The following TP63 variants were observed in gnomAD, a reference collection of about 807,000 sequenced individuals.
TP63 encodes tumor protein p63, also known as tumor protein 63.
Under a neutral mutation model 82.8 loss-of-function variants are expected in TP63, and 17 were observed. The observed-to-expected ratio is 0.21, with a 90% CI of 0.14 to 0.31. The LOEUF is 0.31. Ranked by LOEUF, TP63 falls within the 10% of genes least tolerant of loss-of-function variation. TP63 has a pLI of 1.00. For synonymous variants in TP63, 330 were observed against 321.7 expected (o/e 1.03, Z -0.28); for missense variants, 648 against 895.3 (o/e 0.72, Z 3.52).
At chr3:189,792,700 A>T (rs977776169) in intron 3 of TP63, among the ~76,000 whole-genome samples, 1 of 151,948 alleles carries the variant, frequency 6.6e-6, no homozygotes, top group Non-Finnish European at 1.5e-5. Context: ...TGTTCCCTTT[A>T]CTCAGCCACT....
Position 189,878,868 on chromosome 3 carries a change from C to A in TP63, c.1349+5873C>A, listed in dbSNP as rs567990883. ...GGTCTCAAACCCCTGACCTTGTGATCCCCCTGACCTTGGCCTCCCACAGTG... is the reference window on the plus strand; with the variant it reads ...GGTCTCAAACCCCTGACCTTGTGATACCCCTGACCTTGGCCTCCCACAGTG... On this transcript the variant is annotated intron_variant, in intron 10 of 13. Transcript: ENST00000264731. 3.0e-3 allele frequency among the ~76,000 whole-genome samples: 324 copies of A among 108,678 alleles called. 32 individuals are homozygous for A. Among genetic ancestry groups the A allele is most frequent in the Middle Eastern group, 5.3e-3 (1 of 188 alleles). 71.3% of individuals were successfully genotyped at this position (108,678 alleles called of 152,430 possible).
intron 4 of TP63, among the ~76,000 whole-genome samples, chr3:189,859,956 G>C (rs1716815678): frequency 6.6e-6 from 1 of 152,272 alleles, no homozygotes; most frequent in Admixed American, 6.5e-5. Context: ...CATGATTGTT[G>C]AGGCCAGGAG....
At chr3:189,606,100 G>A in the TP63 span, among the ~76,000 whole-genome samples, 1 of 152,196 alleles carries the variant, frequency 6.6e-6, no homozygotes, top group Non-Finnish European at 1.5e-5. Flanking sequence ...CCACATGGTA[G>A]AGGAAAGAAA....
intron 1 of TP63, among the ~76,000 whole-genome samples, chr3:189,682,218 A>G (rs772664060): frequency 2.1e-4 from 32 of 152,232 alleles, no homozygotes; most frequent in Non-Finnish European, 3.2e-4. Context: ...ATAAAAATTA[A>G]TGAAGAGCAT....
chr3:189,872,549 A>G (rs1040509895), intron 9 of TP63, among the ~76,000 whole-genome samples: 7 of 152,124 alleles, frequency 4.6e-5, no homozygotes, highest in African/African-American at 1.7e-4. Context: ...AAGCACAAAA[A>G]TGTAAAACAC....
At chr3:189,700,031 G>A (rs1717684432) in intron 1 of TP63, among the ~76,000 whole-genome samples, 1 of 152,204 alleles carries the variant, frequency 6.6e-6, no homozygotes, top group Non-Finnish European at 1.5e-5. Context: ...CTGCAGTGCT[G>A]AGTGGGTAAA....
rs1721299628 is a variant in TP63, at chr3:189,894,267, A to G, written c.1808A>G (p.Asp603Gly). 1.2e-6 allele frequency: 2 copies of G among 1,614,000 alleles called. No individual in the cohort carries two copies. The highest frequency in any genetic ancestry group is 8.5e-7 in the Non-Finnish European group (1 of 1,180,000). Residue 603 changes from aspartate (D) to glycine (G), a missense_variant, in exon 14 of 14, where the codon GAC (aspartate) becomes GGC (glycine). Physicochemically the swap from Asp to Gly is moderately conservative, Grantham distance 94. Coordinates refer to ENST00000264731, the MANE Select transcript of TP63 (RefSeq NM_003722.5). ...CATGCGATCTGGAAGGGCATCCTGG[A>G]CCACCGGCAGCTCCACGAATTCTCC... is the stretch of plus-strand genomic sequence containing the variant. ...FRHAIWKGILDHRQLHEFSSP... is the reference protein window; with the variant it reads ...FRHAIWKGILGHRQLHEFSSP...
intron 10 of TP63, among the ~76,000 whole-genome samples, chr3:189,883,576 G>GCTGATGTTTCCTGAGCACCTA (rs1240077943): frequency 3.9e-5 from 6 of 152,168 alleles, no homozygotes; most frequent in Admixed American, 2.6e-4. Context: ...AAGCTAAGAA[G>GCTGATGTTTCCTGAGCACCTA]CTGATGTTTC....
rs71175304 is a variant in TP63, at chr3:189,694,790, C to CTTTTTTTTTTTTTT, written c.63-42930_63-42917dup. On this transcript the variant is annotated intron_variant, in intron 1 of 13. Transcript: ENST00000264731. ...TTGAAAGGAGGCCAGTATTTACAGCCTTTTTTTTTTTTTTTTTTTTTTTTT... is the reference window on the plus strand; with the variant it reads ...TTGAAAGGAGGCCAGTATTTACAGCCTTTTTTTTTTTTTTTTTTTTTTTTTTTTTTTTTTTTTTT... 3.6e-3 allele frequency among the ~76,000 whole-genome samples: 118 copies of CTTTTTTTTTTTTTT among 32,758 alleles called. 34 individuals carry two copies. The highest frequency in any genetic ancestry group is 4.6e-3 in the Non-Finnish European group (85 of 18,490). 21.5% of individuals were successfully genotyped at this position (32,758 alleles called of 152,430 possible). A position where few individuals can be genotyped will look rare whatever the true frequency, so the allele number is the denominator to read the frequency against.
intron 1 of TP63, among the ~76,000 whole-genome samples, chr3:189,637,898 A>G (rs1437578933): frequency 6.6e-6 from 1 of 152,168 alleles, no homozygotes; most frequent in African/African-American, 2.4e-5. Flanking sequence ...TGTAATCACA[A>G]GAAAGCGGAA....
chr3:189,836,109 G>A (rs1026668688), intron 4 of TP63, among the ~76,000 whole-genome samples: 22 of 152,018 alleles, frequency 1.4e-4, no homozygotes, highest in Non-Finnish European at 2.6e-4. Context: ...CTGTTTTCAG[G>A]AGATTTCACT....
At chr3:189,610,851 C>T in the TP63 span, among the ~76,000 whole-genome samples, 1 of 152,096 alleles carries the variant, frequency 6.6e-6, no homozygotes, top group Non-Finnish European at 1.5e-5. Flanking sequence ...CTGGGGAGGC[C>T]TCACCATCAT....
chr3:189,661,850 G>A (rs1324540903), intron 1 of TP63, among the ~76,000 whole-genome samples: 2 of 151,972 alleles, frequency 1.3e-5, no homozygotes, highest in Non-Finnish European at 2.9e-5. Context: ...TCCAGTTTGT[G>A]TGAATAGATA....
the TP63 span, among the ~76,000 whole-genome samples, chr3:189,599,248 T>C: frequency 2.5e-4 from 38 of 152,240 alleles, no homozygotes; most frequent in African/African-American, 8.9e-4. Flanking sequence ...CAAATTTCTT[T>C]AGCTTTTGGC....
chr3:189,894,622 G>T lies in TP63; in HGVS notation c.*120G>T. The stretch of plus-strand genomic sequence containing the variant: ...CCCTTCCTCTTGTCTGATTTCTTAG[G>T]GGAAGGAGAAGTAAGAGGCTACCTC... On this transcript the variant is annotated 3_prime_UTR_variant, in exon 14 of 14. Coordinates refer to ENST00000264731, the MANE Select transcript of TP63 (RefSeq NM_003722.5). The T allele has an allele frequency of 7.8e-7, 1 of 1,280,644 alleles. No homozygotes were observed. The highest frequency in any genetic ancestry group is 1.1e-6 in the Non-Finnish European group (1 of 922,116). 79.3% of individuals were successfully genotyped at this position (1,280,644 alleles called of 1,614,324 possible).
At chr3:189,625,302 G>A in the TP63 span, among the ~76,000 whole-genome samples, 3 of 152,074 alleles carry the variant, frequency 2.0e-5, no homozygotes, top group Admixed American at 6.6e-5. Context: ...GCACTGAGAT[G>A]GACACGGCAT....
At chr3:189,878,515 C>T (rs1357325339) in intron 10 of TP63, among the ~76,000 whole-genome samples, 11 of 148,742 alleles carry the variant, frequency 7.4e-5, no homozygotes, top group African/African-American at 2.5e-4. Context: ...CAGCCTCCTG[C>T]GTAGCTGGGA....
intron 1 of TP63, among the ~76,000 whole-genome samples, chr3:189,658,746 G>T (rs1444340335): frequency 1.3e-5 from 2 of 151,910 alleles, no homozygotes; most frequent in Non-Finnish European, 2.9e-5. Flanking sequence ...GAGATATGAT[G>T]AATAAACATA....
intron 1 of TP63, among the ~76,000 whole-genome samples, chr3:189,644,383 T>TC (rs879497229): frequency 2.0e-5 from 3 of 152,158 alleles, no homozygotes; most frequent in African/African-American, 4.8e-5. Flanking sequence ...TGTCTTAATT[T>TC]CTATTTATTT....
Sources: gnomAD v4.1 joint callset for allele counts (sites outside exome capture counted in the v4.1 genomes callset) on GRCh38, gnomAD v4.1.1 for gene constraint, MANE v1.5 for transcripts, NCBI Gene and HGNC (gene_info 2026-07-23, HGNC 2026-07-21) for gene names.